The following DHX57 variants were observed in gnomAD, a reference collection of about 807,000 sequenced individuals.
The protein encoded by DHX57 is DExH-box helicase 57, also known as putative ATP-dependent RNA helicase DHX57.
In DHX57, 105 loss-of-function variants were observed where a neutral mutation model predicts 156.2. That is an observed-to-expected ratio of 0.67 (90% CI 0.57 to 0.79). The LOEUF is 0.79. Ranked by LOEUF, DHX57 falls within the 30% of genes least tolerant of loss-of-function variation. DHX57 has a pLI of 0.00. For synonymous variants in DHX57, 704 were observed against 595.6 expected (o/e 1.18, Z -2.65); for missense variants, 1,847 against 1,661.9 (o/e 1.11, Z -1.94).
At chr2:38,817,620 C>T (rs1306463308) in intron 19 of DHX57, among the ~76,000 whole-genome samples, 1 of 151,852 alleles carries the variant, frequency 6.6e-6, no homozygotes, top group Non-Finnish European at 1.5e-5. Context: ...CTGGCCTCAT[C>T]ACTTTGGAAG....
At chr2:38,812,167 G>A (rs1359314009) in intron 21 of DHX57, among the ~76,000 whole-genome samples, 4 of 151,970 alleles carry the variant, frequency 2.6e-5, no homozygotes, top group South Asian at 2.1e-4. Context: ...TTCCACCAAC[G>A]GTAAGACCTT....
chr2:38,846,882 T>A, intron 11 of DHX57, 137 bp downstream of exon 11: 1 of 514,010 alleles, frequency 1.9e-6, no homozygotes, highest in Non-Finnish European at 3.4e-6. Context: ...TAGATGGGGG[T>A]CCCAATATGT....
Position 38,826,500 on chromosome 2 carries a change from C to T in DHX57, c.2813+16G>A, listed in dbSNP as rs1286678310. On this transcript the variant is annotated intron_variant, in intron 15 of 23. Transcript: ENST00000457308. ...CATTTTTAGCCCCTCTCTTACATCA[C>T]CACAAGACGGAATACCTCTTTTCTT... 3 of 1,611,452 alleles carry T rather than the reference C, an allele frequency of 1.9e-6. No homozygotes were observed. In the Admixed American group the frequency reaches 5.0e-5, roughly 27 times the overall value.
In DHX57 at chr2:38,855,143, T is replaced by C. The variant is rs1183010195; in HGVS notation, c.1819A>G (p.Ile607Val). The change falls in exon 8 of 24, where the codon ATC (isoleucine) becomes GTC (valine). Residue 607 changes from isoleucine to valine, a missense_variant. Transcript: ENST00000457308. Reference sequence around the variant, plus strand: ...TTAGCAACGCGTTCAGCAACAGAGATTGCAGAGATTCGTCGGGGTTGGGTA... The same window carrying C: ...TTAGCAACGCGTTCAGCAACAGAGACTGCAGAGATTCGTCGGGGTTGGGTA... ...ICTQPRRISA[I>V]SVAERVAKER... 4 of 1,614,008 alleles carry C rather than the reference T, an allele frequency of 2.5e-6. No individual in the cohort carries two copies. Among genetic ancestry groups the C allele is most frequent in the African/African-American group, 1.3e-5 (1 of 74,894 alleles).
chr2:38,839,367 TACCAAGGAAGGGAA>T (rs1158496163), intron 12 of DHX57, among the ~76,000 whole-genome samples: 1 of 151,868 alleles, frequency 6.6e-6, no homozygotes, highest in African/African-American at 2.4e-5. Flanking sequence ...CTATAGTTGG[TACCAAGGAAGGGAA>T]ACTTCCTATA....
At chr2:38,840,654 G>C (rs1671946637) in intron 12 of DHX57, among the ~76,000 whole-genome samples, 1 of 152,072 alleles carries the variant, frequency 6.6e-6, no homozygotes, top group Admixed American at 6.5e-5. Context: ...AGAAGCTGGT[G>C]GCAGAGTCAT....
intron 1 of DHX57, among the ~76,000 whole-genome samples, chr2:38,869,160 A>G (rs1665234743): frequency 2.0e-5 from 3 of 152,178 alleles, no homozygotes; most frequent in Admixed American, 2.0e-4. Flanking sequence ...ATATGTTTTG[A>G]CAAAATTTAA....
chr2:38,812,626 C>T lies in DHX57; in HGVS notation c.3681+1195G>A, dbSNP rs149687475. Among the ~76,000 whole-genome samples the T allele has an allele frequency of 2.2e-3, 338 of 152,110 alleles. 2 individuals carry two copies. The highest frequency in any genetic ancestry group is 7.3e-3 in the African/African-American group (302 of 41,482). ...TCGCCTCACCACAACCTCTGCCTCCCGGGTTTAAGCGATTCTCCTGCCTCA... is the reference window on the plus strand; with the variant it reads ...TCGCCTCACCACAACCTCTGCCTCCTGGGTTTAAGCGATTCTCCTGCCTCA... On this transcript the variant is annotated intron_variant, in intron 21 of 23. Coordinates refer to ENST00000457308, the MANE Select transcript of DHX57 (RefSeq NM_198963.3).
At chr2:38,809,398 C>T (rs1421646954) in intron 21 of DHX57, among the ~76,000 whole-genome samples, 1 of 151,938 alleles carries the variant, frequency 6.6e-6, no homozygotes, top group Admixed American at 6.6e-5. Flanking sequence ...GTGCCACGAG[C>T]CACTATGCCC....
intron 11 of DHX57, among the ~76,000 whole-genome samples, chr2:38,844,236 G>A (rs933569530): frequency 9.9e-5 from 15 of 152,250 alleles, no homozygotes; most frequent in African/African-American, 3.6e-4. Flanking sequence ...CTTTCAAGGA[G>A]CTTACAAACT....
In DHX57 at chr2:38,861,403, C is replaced by A; in HGVS notation, c.1007G>T (p.Arg336Ile). 1 of 1,614,058 alleles carries A rather than the reference C, an allele frequency of 6.2e-7. No individual in the cohort carries two copies. The highest frequency in any genetic ancestry group is 8.5e-7 in the Non-Finnish European group (1 of 1,180,014). The change falls in exon 5 of 24, where the codon AGA becomes ATA. Residue 336 changes from arginine (R) to isoleucine (I), a missense_variant. Transcript: ENST00000457308. ...PPNQIVGRIE[R>I]SVDDSHLNAI... ...ATTAAGATGAGAATCATCTACACTT[C>A]TTTCTATTCTTCCAACAATTTGATT...
chr2:38,802,657 A>G (rs1669741345), intron 23 of DHX57, 58 bp downstream of exon 23: 1 of 1,599,040 alleles, frequency 6.3e-7, no homozygotes, highest in Non-Finnish European at 8.5e-7. Context: ...TCATAACTTC[A>G]TATTGTCAAA....
intron 10 of DHX57, among the ~76,000 whole-genome samples, chr2:38,847,390 T>C (rs1398168742): frequency 2.0e-5 from 3 of 152,184 alleles, no homozygotes; most frequent in Admixed American, 2.0e-4. Context: ...CATTCAACAG[T>C]TGTATTCTAG....
At chr2:38,824,804 T>C (rs1479965231) in intron 16 of DHX57, among the ~76,000 whole-genome samples, 3 of 152,090 alleles carry the variant, frequency 2.0e-5, no homozygotes, top group East Asian at 3.9e-4. Context: ...TGCGCCACTA[T>C]ACCTGGCTAA....
intron 1 of DHX57, among the ~76,000 whole-genome samples, chr2:38,868,811 T>TTTAC (rs1056077904): frequency 1.3e-4 from 20 of 152,146 alleles, no homozygotes; most frequent in African/African-American, 4.8e-4. Flanking sequence ...GTTTTATTTA[T>TTTAC]TTATTTATTT....
At position 38,843,221 on chromosome 2, in the gene DHX57, CAA is replaced by C. The variant is rs1672104214; in HGVS notation, c.2220-13_2220-12del. The C allele has an allele frequency of 6.2e-7, 1 of 1,613,216 alleles. No individual in the cohort carries two copies. The highest frequency in any genetic ancestry group is 1.7e-5 in the Admixed American group (1 of 59,974). The stretch of plus-strand genomic sequence containing the variant: ...TCCTGTAATACATACCTGAGAAAGA[CAA>C]AGGAATGTGGTTGTGTGTATGTGGT... On this transcript the variant is annotated splice_polypyrimidine_tract_variant and intron_variant, in intron 11 of 23. Coordinates refer to ENST00000457308, the MANE Select transcript of DHX57 (RefSeq NM_198963.3).
chr2:38,864,530 C>G lies in DHX57; in HGVS notation c.225-1011G>C, dbSNP rs534686937. ...AGTCATCCTTTATCTTAAAGTCAGC[C>G]TTTCTATTTGTAAACTATATGCCAA... On this transcript the variant is annotated intron_variant, in intron 2 of 23. Transcript: ENST00000457308. Among the ~76,000 whole-genome samples the G allele has an allele frequency of 8.0e-4, 122 of 152,196 alleles. No individual in the cohort carries two copies. In the Middle Eastern group the frequency reaches 0.01, roughly 13 times the overall value.
chr2:38,864,220 C>T (rs1434064999), intron 2 of DHX57, among the ~76,000 whole-genome samples: 1 of 146,014 alleles, frequency 6.8e-6, no homozygotes, highest in Admixed American at 7.1e-5. Flanking sequence ...TTCTAAAATA[C>T]CCAATTATCT....
chr2:38,812,826 C>A (rs370359005), intron 21 of DHX57, among the ~76,000 whole-genome samples: 2 of 118,490 alleles, frequency 1.7e-5, no homozygotes, highest in African/African-American at 2.9e-5. Flanking sequence ...AGCCATCGTG[C>A]CTGTCCCTTA....
Sources: allele counts gnomAD v4.1 joint callset (sites outside exome capture counted in the v4.1 genomes callset), GRCh38; gene constraint gnomAD v4.1.1; transcripts MANE v1.5; gene names NCBI Gene and HGNC (gene_info 2026-07-23, HGNC 2026-07-21).